Variants in PPIP5K2 observed in about 807,000 individuals in gnomAD.
The protein encoded by PPIP5K2 is inositol hexakisphosphate and diphosphoinositol-pentakisphosphate kinase 2.
In PPIP5K2, 105 loss-of-function variants were observed where a neutral mutation model predicts 154.6. The ratio of observed to expected loss-of-function variants is 0.68; its 90% CI spans 0.58 to 0.80. The LOEUF (loss-of-function observed/expected upper bound fraction) is 0.80, where lower values mean the gene tolerates loss of function less well. Among genes scored for constraint, PPIP5K2 ranks in the 30% least tolerant of loss-of-function variants. PPIP5K2 has a pLI of 0.00. For synonymous variants in PPIP5K2, 480 were observed against 490.3 expected (o/e 0.98, Z 0.28); for missense variants, 992 against 1,504.6 (o/e 0.66, Z 5.64).
chr5:103,175,400 C>G (rs891380752), intron 21 of PPIP5K2, among the ~76,000 whole-genome samples: 6 of 88,888 alleles, frequency 6.8e-5, no homozygotes, highest in African/African-American at 2.2e-4. Flanking sequence ...AAAAAAATGA[C>G]CCTTAATTAG....
At chr5:103,157,245 G>A (rs1554213781) in intron 14 of PPIP5K2, among the ~76,000 whole-genome samples, 1 of 151,892 alleles carries the variant, frequency 6.6e-6, no homozygotes, top group African/African-American at 2.4e-5. Flanking sequence ...ATGAAAAGGA[G>A]TAGGTCAAAA....
intron 11 of PPIP5K2, 44 bp from the exon 12 acceptor site, chr5:103,154,626 T>A: frequency 8.5e-7 from 1 of 1,175,952 alleles, no homozygotes; most frequent in Non-Finnish European, 1.2e-6. Context: ...ATTGGTAATG[T>A]TAATTATTGC....
intron 28 of PPIP5K2, 85 bp downstream of exon 28, chr5:103,187,461 G>C: frequency 9.3e-7 from 1 of 1,070,326 alleles, no homozygotes; most frequent in South Asian, 1.5e-5. Context: ...GGGGTATACA[G>C]TATCATTCAT....
intron 17 of PPIP5K2, among the ~76,000 whole-genome samples, chr5:103,165,748 G>C (rs964610025): frequency 6.6e-6 from 1 of 152,086 alleles, no homozygotes; most frequent in Non-Finnish European, 1.5e-5. Context: ...TGTTGAAGAT[G>C]AAGCCCTCAA....
chr5:103,156,509 A>C (rs1232761290), intron 14 of PPIP5K2, among the ~76,000 whole-genome samples: 2 of 152,188 alleles, frequency 1.3e-5, no homozygotes. Context: ...ACAAAAGAAA[A>C]GGGTAGGGAT....
At chr5:103,133,003 T>C (rs1241365437) in intron 2 of PPIP5K2, among the ~76,000 whole-genome samples, 1 of 152,228 alleles carries the variant, frequency 6.6e-6, no homozygotes, top group Admixed American at 6.5e-5. Context: ...CCAACTAATA[T>C]TCAAGTGCAA....
chr5:103,162,939 T>C (rs1796548104), intron 17 of PPIP5K2, among the ~76,000 whole-genome samples: 1 of 152,116 alleles, frequency 6.6e-6, no homozygotes. Flanking sequence ...CAGCAGAACA[T>C]ACTGAAAAGA....
rs572044722 is a variant in PPIP5K2 at position 103,185,344 on chromosome 5, G to A, written c.3169+600G>A. Reference sequence around the variant, plus strand: ...GGTTGATAAACTATGAAATAGTGGCGTATTATTTTCTGTAAATAGTTGTCC... The same window carrying A: ...GGTTGATAAACTATGAAATAGTGGCATATTATTTTCTGTAAATAGTTGTCC... On this transcript the variant is annotated intron_variant, in intron 26 of 30. Transcript: ENST00000358359. 1.3e-4 allele frequency among the ~76,000 whole-genome samples: 20 copies of A among 152,082 alleles called. No individual in the cohort carries two copies. The South Asian group carries it at 2.1e-3, about 16-fold the overall frequency.
chr5:103,180,848 CAA>C (rs782295420), intron 24 of PPIP5K2, among the ~76,000 whole-genome samples: 8 of 90,330 alleles, frequency 8.9e-5, no homozygotes, highest in Admixed American at 2.3e-4. Flanking sequence ...AGACTCTCCC[CAA>C]AAAAAAAAAA....
At chr5:103,153,999 A>C in intron 11 of PPIP5K2, 65 bp downstream of exon 11, 1 of 1,242,956 alleles carries the variant, frequency 8.0e-7, no homozygotes, top group South Asian at 1.4e-5. Flanking sequence ...TAAGTGATCA[A>C]CTCTTTTGAT....
chr5:103,133,252 G>C (rs1195642202), intron 2 of PPIP5K2, among the ~76,000 whole-genome samples: 1 of 152,100 alleles, frequency 6.6e-6, no homozygotes, highest in African/African-American at 2.4e-5. Flanking sequence ...TTTTAAATTT[G>C]TTTCCAGACT....
At chr5:103,126,693 CA>C (rs1554200815) in intron 1 of PPIP5K2, among the ~76,000 whole-genome samples, 2 of 150,462 alleles carry the variant, frequency 1.3e-5, no homozygotes, top group African/African-American at 4.9e-5. Flanking sequence ...GCAACCAGCA[CA>C]GGAGAAAGAT....
chr5:103,127,762 A>ATGTACC (rs60753478), intron 1 of PPIP5K2, among the ~76,000 whole-genome samples: 1,867 of 152,312 alleles, frequency 0.012, 27 homozygotes, highest in African/African-American at 0.043. Flanking sequence ...ATTAAAACAG[A>ATGTACC]TGTACCTGAC....
rs1554218568 is a variant in PPIP5K2, at chr5:103,168,263, T to C, written c.2254T>C (p.Ser752Pro). The C allele has an allele frequency of 6.2e-7, 1 of 1,607,588 alleles. No homozygotes were observed. The highest frequency in any genetic ancestry group is 1.7e-5 in the Admixed American group (1 of 59,742). Residue 752 changes from serine to proline, a missense_variant, in exon 19 of 31, where the codon TCG (serine) becomes CCG (proline). Ser to Pro is a moderately conservative substitution (Grantham distance 74, BLOSUM62 -1). Transcript: ENST00000358359. ...AAACACAATGGAATTATATAGGCTT[T>C]CGAAGGCATTAGCAGATATTGTTAT... Reference protein sequence around the residue: ...LENTMELYRLSKALADIVIPQ... With the variant: ...LENTMELYRLPKALADIVIPQ...
chr5:103,154,139 TATC>T (rs782604573), intron 11 of PPIP5K2, among the ~76,000 whole-genome samples: 2 of 151,990 alleles, frequency 1.3e-5, no homozygotes, highest in African/African-American at 2.4e-5. Flanking sequence ...TATTCATAAA[TATC>T]ATCAGTCTGC....
chr5:103,193,381 G>A (rs2149812905), intron 29 of PPIP5K2, among the ~76,000 whole-genome samples: 1 of 151,986 alleles, frequency 6.6e-6, no homozygotes, highest in South Asian at 2.1e-4. Context: ...TCATTTTGTG[G>A]TGTTTATAAC....
At chr5:103,141,347 G>A (rs112736828) in intron 5 of PPIP5K2, among the ~76,000 whole-genome samples, 3 of 152,258 alleles carry the variant, frequency 2.0e-5, no homozygotes, top group African/African-American at 7.2e-5. Context: ...GAGTGAAGCT[G>A]CAGACCTTCG....
intron 1 of PPIP5K2, among the ~76,000 whole-genome samples, chr5:103,124,868 T>C (rs534700199): frequency 2.6e-5 from 4 of 152,352 alleles, no homozygotes; most frequent in Non-Finnish European, 5.9e-5. Context: ...AGTAAGGTAC[T>C]TACTAGGTAA....
intron 1 of PPIP5K2, among the ~76,000 whole-genome samples, chr5:103,127,807 G>A (rs915752826): frequency 2.0e-5 from 3 of 152,102 alleles, no homozygotes; most frequent in Non-Finnish European, 2.9e-5. Context: ...CGAAATATTT[G>A]AGCTGTTTTT....
Sources: gnomAD v4.1 joint callset for allele counts (sites outside exome capture counted in the v4.1 genomes callset) on GRCh38, gnomAD v4.1.1 for gene constraint, MANE v1.5 for transcripts, NCBI Gene and HGNC (gene_info 2026-07-23, HGNC 2026-07-21) for gene names.